MAP4K3: variants seen among roughly 807,000 people sequenced by gnomAD.
MAP4K3 encodes MAPK/ERK kinase kinase kinase 3.
Under a neutral mutation model 143.5 loss-of-function variants are expected in MAP4K3, and 94 were observed. That is an observed-to-expected ratio of 0.65 (90% confidence interval 0.55 to 0.78). The LOEUF (loss-of-function observed/expected upper bound fraction) is 0.78. Among genes scored for constraint, MAP4K3 ranks in the 30% least tolerant of loss-of-function variants. The probability of loss-of-function intolerance (pLI) is 0.00; values close to 1 mark genes in which losing one functional copy is unlikely to be tolerated. For missense variants in MAP4K3, 1,077 were observed against 1,068.1 expected (o/e 1.01, Z -0.12); for synonymous variants, 416 against 347.2 (o/e 1.20, Z -2.20).
At chr2:39,333,425 C>G in intron 7 of MAP4K3, 107 bp downstream of exon 7, 3 of 782,800 alleles carry the variant, frequency 3.8e-6, no homozygotes, top group South Asian at 3.4e-5. Flanking sequence ...TAAAAATACA[C>G]AGATGCCGTC....
At chr2:39,384,838 A>T (rs889552071) in intron 1 of MAP4K3, among the ~76,000 whole-genome samples, 1 of 152,208 alleles carries the variant, frequency 6.6e-6, no homozygotes, top group African/African-American at 2.4e-5. Context: ...ATATTAGATT[A>T]TGTAACCACC....
intron 3 of MAP4K3, among the ~76,000 whole-genome samples, chr2:39,345,716 G>C (rs1199017111): frequency 6.6e-6 from 1 of 151,846 alleles, no homozygotes; most frequent in Non-Finnish European, 1.5e-5. Context: ...TCAGGAGATC[G>C]AGACCATCCT....
At chr2:39,283,704 C>T (rs147928914) in intron 21 of MAP4K3, 4 of 152,304 alleles carry the variant, frequency 2.6e-5, no homozygotes, top group African/African-American at 9.6e-5. Context: ...TTTGCTCACC[C>T]ACACTATGCT....
chr2:39,358,263 C>A (rs1385970110), intron 2 of MAP4K3, among the ~76,000 whole-genome samples: 1 of 152,140 alleles, frequency 6.6e-6, no homozygotes, highest in South Asian at 2.1e-4. Flanking sequence ...CATGTCTTTG[C>A]CTTCACTAGA....
In MAP4K3 at chr2:39,322,442, C is replaced by T. The variant is rs114205464; in HGVS notation, c.918+3076G>A. On this transcript the variant is annotated intron_variant, in intron 12 of 33. Transcript: ENST00000263881. ...AGTAAGTGGGCTTACATATAGGAGACGAAAACTGAATAAAAATCAGAATTA... is the reference window on the plus strand; with the variant it reads ...AGTAAGTGGGCTTACATATAGGAGATGAAAACTGAATAAAAATCAGAATTA... Among the ~76,000 whole-genome samples the T allele has an allele frequency of 5.3e-3, 811 of 151,916 alleles. 9 individuals are homozygous for T. The highest frequency in any genetic ancestry group is 0.018 in the African/African-American group (752 of 41,408).
rs1297776983 is a variant in MAP4K3, at chr2:39,337,588, A to T, written c.311-7T>A. 6.2e-7 allele frequency: 1 copy of T among 1,601,382 alleles called. No homozygotes were observed. The highest frequency in any genetic ancestry group is 8.6e-7 in the Non-Finnish European group (1 of 1,169,082). On this transcript the variant is annotated splice_region_variant and splice_polypyrimidine_tract_variant and intron_variant, in intron 4 of 33. Coordinates refer to ENST00000263881, the MANE Select transcript of MAP4K3 (RefSeq NM_003618.4). ...TCTGACAGAGGTCCAGTTACTGTAA[A>T]AGAAGACAATTAATACTCATAAAAT...
intron 7 of MAP4K3, among the ~76,000 whole-genome samples, chr2:39,332,916 T>A (rs2148522719): frequency 6.6e-6 from 1 of 152,210 alleles, no homozygotes; most frequent in East Asian, 1.9e-4. Flanking sequence ...AATAACTGTT[T>A]TCTATTTGTT....
chr2:39,388,617 G>A (rs1325650473), intron 1 of MAP4K3, among the ~76,000 whole-genome samples: 1 of 152,110 alleles, frequency 6.6e-6, no homozygotes, highest in Non-Finnish European at 1.5e-5. Context: ...GCACAGGTAG[G>A]TTGGGGAAAA....
intron 24 of MAP4K3, among the ~76,000 whole-genome samples, chr2:39,274,219 CTCT>C (rs1558614635): frequency 5.5e-5 from 8 of 144,412 alleles, no homozygotes; most frequent in African/African-American, 5.1e-5. Context: ...TTCTTTCTCT[CTCT>C]TTTTTTTTTT....
At chr2:39,407,541 GGTTT>G (rs748513939) in intron 1 of MAP4K3, among the ~76,000 whole-genome samples, 36 of 152,142 alleles carry the variant, frequency 2.4e-4, no homozygotes, top group Admixed American at 1.1e-3. Context: ...TGCCTAAACA[GGTTT>G]GTTTGTTTGT....
rs7593720 is a variant in MAP4K3, at chr2:39,292,399, C to G, written c.1271+374G>C. 5.5e-3 allele frequency among the ~76,000 whole-genome samples: 832 copies of G among 152,104 alleles called. 9 individuals are homozygous for G. The highest frequency in any genetic ancestry group is 0.019 in the African/African-American group (774 of 41,498). On this transcript the variant is annotated intron_variant, in intron 18 of 33. Coordinates refer to ENST00000263881, the MANE Select transcript of MAP4K3 (RefSeq NM_003618.4). ...CTAATCCTATGGATTGGTGATCTTACGAGAGAGAGAGATCACTCTTACCCC... is the reference window on the plus strand; with the variant it reads ...CTAATCCTATGGATTGGTGATCTTAGGAGAGAGAGAGATCACTCTTACCCC...
chr2:39,369,949 G>A (rs1273768550), intron 2 of MAP4K3, among the ~76,000 whole-genome samples: 2 of 152,188 alleles, frequency 1.3e-5, no homozygotes, highest in South Asian at 2.1e-4. Flanking sequence ...TGGGTTCTCC[G>A]TAGTTAGGCT....
At chr2:39,284,611 T>A (rs1381155925) in intron 21 of MAP4K3, among the ~76,000 whole-genome samples, 1 of 151,844 alleles carries the variant, frequency 6.6e-6, no homozygotes, top group African/African-American at 2.4e-5. Flanking sequence ...TTTGGGAGGC[T>A]GAGGTAGGCA....
intron 22 of MAP4K3, 37 bp downstream of exon 22, chr2:39,282,476 A>G: frequency 1.3e-6 from 2 of 1,557,416 alleles, no homozygotes; most frequent in South Asian, 2.3e-5. Flanking sequence ...CAAGTGACTT[A>G]GCTTGAAACT....
intron 28 of MAP4K3, 78 bp from the exon 29 acceptor site, chr2:39,260,855 T>C (rs1680540619): frequency 4.1e-6 from 4 of 965,298 alleles, no homozygotes; most frequent in Non-Finnish European, 4.6e-6. Flanking sequence ...ATAAAACAGC[T>C]TTCTACAATA....
intron 12 of MAP4K3, among the ~76,000 whole-genome samples, chr2:39,316,428 G>C (rs1683114505): frequency 6.6e-6 from 1 of 152,110 alleles, no homozygotes; most frequent in African/African-American, 2.4e-5. Context: ...GTATACAGAG[G>C]CCATATTTCA....
chr2:39,251,943 G>A, intron 32 of MAP4K3, 58 bp from the exon 33 acceptor site: 2 of 1,085,334 alleles, frequency 1.8e-6, no homozygotes, highest in South Asian at 1.3e-5. Context: ...ATTTTTAATG[G>A]GCACTTCATT....
At chr2:39,329,683 G>A (rs908363709) in intron 8 of MAP4K3, among the ~76,000 whole-genome samples, 1 of 152,178 alleles carries the variant, frequency 6.6e-6, no homozygotes, top group Admixed American at 6.5e-5. Context: ...ACGAAGAAGA[G>A]AGACTGCAGA....
At chr2:39,282,694 T>C in intron 21 of MAP4K3, 140 bp from the exon 22 acceptor site, 1 of 616,328 alleles carries the variant, frequency 1.6e-6, no homozygotes, top group Non-Finnish European at 2.8e-6. Flanking sequence ...AGGCTGAAGT[T>C]CCCCATAATT....
Sources: allele counts gnomAD v4.1 joint callset (sites outside exome capture counted in the v4.1 genomes callset), GRCh38; gene constraint gnomAD v4.1.1; transcripts MANE v1.5; gene names NCBI Gene and HGNC (gene_info 2026-07-23, HGNC 2026-07-21).